The following FAM228B variants were observed in gnomAD, a reference collection of about 807,000 sequenced individuals.
FAM228B encodes family with sequence similarity 228 member B, also known as protein FAM228B.
In FAM228B, 38 loss-of-function variants were observed where a neutral mutation model predicts 42.6. That is an observed-to-expected ratio of 0.89 (90% CI 0.69 to 1.17). The LOEUF (loss-of-function observed/expected upper bound fraction) is 1.17. FAM228B is among the 50% of genes most tolerant of loss of function. The pLI, the probability that FAM228B is intolerant of heterozygous loss-of-function variation, is 0.00. For missense variants in FAM228B, 344 were observed against 367.3 expected (o/e 0.94, Z 0.52); for synonymous variants, 109 against 122.3 (o/e 0.89, Z 0.72).
At chr2:24,085,441 T>G (rs1665213242) in intron 2 of FAM228B, among the ~76,000 whole-genome samples, 1 of 152,116 alleles carries the variant, frequency 6.6e-6, no homozygotes, top group South Asian at 2.1e-4. Flanking sequence ...TCGTAGGATG[T>G]TTAGCAGCAT....
Position 24,146,959 on chromosome 2 carries a change from G to C in FAM228B, c.559G>C (p.Glu187Gln), listed in dbSNP as rs1004368271. 6.4e-7 allele frequency: 1 copy of C among 1,551,378 alleles called. No individual in the cohort carries two copies. The highest frequency in any genetic ancestry group is 8.7e-7 in the Non-Finnish European group (1 of 1,146,808). ...AATATATTCAATAAAGGAATTCAAA[G>C]AAGTTGAGAAGGTTCAGCTGCATTC... ...GKIYSIKEFK[E>Q]VEKVQLHSRF... Residue 187 changes from glutamate to glutamine, a missense_variant, in exon 7 of 11, where the codon GAA becomes CAA. Physicochemically the swap from Glu to Gln is conservative, Grantham distance 29. Transcript: ENST00000615575.
At chr2:24,125,260 A>G (rs184785600) in intron 2 of FAM228B, among the ~76,000 whole-genome samples, 4 of 152,176 alleles carry the variant, frequency 2.6e-5, no homozygotes, top group African/African-American at 9.6e-5. Flanking sequence ...GCATACACCT[A>G]TAGTCCCAGC....
At chr2:24,112,940 C>G (rs1027414949) in intron 3 of FAM228B, among the ~76,000 whole-genome samples, 6 of 152,174 alleles carry the variant, frequency 3.9e-5, no homozygotes, top group Non-Finnish European at 7.3e-5. Flanking sequence ...CTCTTCCATA[C>G]TCACTCTTCT....
chr2:24,078,763 G>GA (rs1664868691), intron 1 of FAM228B: 1 of 152,286 alleles, frequency 6.6e-6, no homozygotes, highest in Non-Finnish European at 1.5e-5. Context: ...TAGGCTTAGT[G>GA]AAAAAAGGAT....
rs1240603338 is a variant in FAM228B, at chr2:24,099,129, ATC to A, written c.-121+3903_-121+3904del. Among the ~76,000 whole-genome samples, 8 of 151,750 alleles carry A rather than the reference ATC, an allele frequency of 5.3e-5. No individual in the cohort carries two copies. In the South Asian group the frequency reaches 1.5e-3, roughly 28 times the overall value. ...AATAAACTAAATATTCATGGAGTGT[ATC>A]TCAAAATAATAAGAGCTATTTATGA... On this transcript the variant is annotated intron_variant, in intron 3 of 10. Coordinates refer to the FAM228B transcript ENST00000613899.
intron 3 of FAM228B, among the ~76,000 whole-genome samples, chr2:24,102,476 G>C (rs185809103): frequency 3.2e-4 from 49 of 152,250 alleles, no homozygotes; most frequent in Non-Finnish European, 6.0e-4. Flanking sequence ...GGTGGCTCAC[G>C]CCTGTAATTC....
At chr2:24,112,341 C>T (rs1665812050) in intron 3 of FAM228B, among the ~76,000 whole-genome samples, 1 of 148,550 alleles carries the variant, frequency 6.7e-6, no homozygotes, top group Non-Finnish European at 1.5e-5. Context: ...GCTCTTGTCG[C>T]CCAGGGTAGA....
intron 7 of FAM228B, among the ~76,000 whole-genome samples, chr2:24,155,532 T>TATATATATATATATATATATATA (rs1491091074): frequency 8.7e-5 from 1 of 11,550 alleles, no homozygotes; most frequent in Non-Finnish European, 1.8e-4. Flanking sequence ...TATATATATA[T>TATATATATATATATATATATATA]TTTTTTTTTT....
chr2:24,157,244 T>C (rs201447612), intron 7 of FAM228B, among the ~76,000 whole-genome samples: 4 of 152,192 alleles, frequency 2.6e-5, no homozygotes, highest in African/African-American at 7.2e-5. Flanking sequence ...TGTGGCCTAT[T>C]ATATGGTCTA....
At chr2:24,115,665 A>G in intron 3 of FAM228B, 1 of 1,563,202 alleles carries the variant, frequency 6.4e-7, no homozygotes, top group Non-Finnish European at 8.8e-7. Flanking sequence ...TATCACTACA[A>G]ATGATTCATT....
At chr2:24,082,411 C>T (rs903433050) in intron 2 of FAM228B, among the ~76,000 whole-genome samples, 2 of 152,198 alleles carry the variant, frequency 1.3e-5, no homozygotes, top group Non-Finnish European at 2.9e-5. Flanking sequence ...CAGCTTCTAT[C>T]ATAGACAGGG....
At position 24,081,378 on chromosome 2, in the gene FAM228B, C is replaced by T. The variant is rs1664994551; in HGVS notation, c.-210+423C>T. ...CCAAAATGCACATCTCTGACCTACA[C>T]CTGAATAAGTAAGAACAACTACCAT... On this transcript the variant is annotated intron_variant, in intron 2 of 10. Transcript: ENST00000613899. 2.6e-5 allele frequency among the ~76,000 whole-genome samples: 4 copies of T among 151,892 alleles called. No homozygotes were observed. The South Asian group carries it at 8.3e-4, about 31-fold the overall frequency.
intron 3 of FAM228B, among the ~76,000 whole-genome samples, chr2:24,106,844 C>CT (rs1665709121): frequency 6.6e-6 from 1 of 151,278 alleles, no homozygotes; most frequent in South Asian, 2.1e-4. Context: ...AGTAGACAGA[C>CT]TAGTGACACT....
chr2:24,156,796 G>T (rs1217007493), intron 7 of FAM228B, among the ~76,000 whole-genome samples: 1 of 121,868 alleles, frequency 8.2e-6, no homozygotes. Context: ...CCAGCTTTTT[G>T]TTTCATTTAT....
chr2:24,119,402 T>C (rs1176321379), upstream of FAM228B, among the ~76,000 whole-genome samples: 1 of 152,228 alleles, frequency 6.6e-6, no homozygotes, highest in Non-Finnish European at 1.5e-5. Flanking sequence ...TGAATCTACC[T>C]TCCCCATGGC....
chr2:24,118,148 G>C (rs1665982770), intron 3 of FAM228B, among the ~76,000 whole-genome samples: 1 of 152,202 alleles, frequency 6.6e-6, no homozygotes, highest in Admixed American at 6.5e-5. Flanking sequence ...CTTCCTGACA[G>C]CCAAATTGCC....
At chr2:24,156,365 GCTC>G (rs1286498663) in intron 7 of FAM228B, among the ~76,000 whole-genome samples, 3 of 152,054 alleles carry the variant, frequency 2.0e-5, no homozygotes, top group African/African-American at 7.2e-5. Flanking sequence ...AGGCGTGGTG[GCTC>G]ACACCTGTAA....
At position 24,079,935 on chromosome 2, in the gene FAM228B, G is replaced by A. The variant is rs36111458; in HGVS notation, c.-289-941G>A. Among the ~76,000 whole-genome samples the A allele has an allele frequency of 8.7e-4, 133 of 152,268 alleles. 1 individual carries two copies. Among genetic ancestry groups the A allele is most frequent in the African/African-American group, 3.1e-3 (127 of 41,546 alleles). On this transcript the variant is annotated intron_variant, in intron 1 of 10. Coordinates refer to the FAM228B transcript ENST00000613899. ...TACAGTCCCACTGACACCCAGGCAC[G>A]ATTGAGAACAGAATACAGGAGGCCC...
At chr2:24,136,475 C>T (rs1373239297) in intron 3 of FAM228B, among the ~76,000 whole-genome samples, 1 of 152,198 alleles carries the variant, frequency 6.6e-6, no homozygotes, top group Non-Finnish European at 1.5e-5. Context: ...CTGCCCACCT[C>T]GGCCTCCCAA....
Sources: allele counts gnomAD v4.1 joint callset (sites outside exome capture counted in the v4.1 genomes callset), GRCh38; gene constraint gnomAD v4.1.1; transcripts MANE v1.5; gene names NCBI Gene and HGNC (gene_info 2026-07-23, HGNC 2026-07-21).